The following STXBP5L variants were observed in gnomAD, a reference collection of about 807,000 sequenced individuals.
STXBP5L encodes syntaxin-binding protein 5-like.
Under a neutral mutation model 144.5 loss-of-function variants are expected in STXBP5L, and 65 were observed. The observed-to-expected ratio is 0.45, with a 90% CI of 0.37 to 0.55. The LOEUF is 0.55. Among genes scored for constraint, STXBP5L ranks in the 20% least tolerant of loss-of-function variants. The pLI is 0.00. For missense variants in STXBP5L, 1,298 were observed against 1,405.5 expected, an observed-to-expected ratio of 0.92 and a Z score of 1.22; for synonymous variants, 505 against 469.6, an observed-to-expected ratio of 1.08 and a Z score of -0.97.
intron 18 of STXBP5L, among the ~76,000 whole-genome samples, chr3:121,264,805 CAA>C (rs60150188): frequency 0.046 from 5,253 of 114,378 alleles, 118 homozygotes; most frequent in Middle Eastern, 0.097. Flanking sequence ...ATGGAAAGCA[CAA>C]AAAAAAAAAA....
chr3:121,310,251 A>T (rs571260230), intron 19 of STXBP5L, among the ~76,000 whole-genome samples: 1 of 152,380 alleles, frequency 6.6e-6, no homozygotes, highest in Non-Finnish European at 1.5e-5. Context: ...AAAAGAAATT[A>T]CAATAAAAAT....
rs35247157 is a variant in STXBP5L, at chr3:121,412,727, C to CAAAA, written c.2949-412_2949-409dup. Among the ~76,000 whole-genome samples, 211 of 69,536 alleles carry CAAAA rather than the reference C, an allele frequency of 3.0e-3. 4 individuals are homozygous for CAAAA. The highest frequency in any genetic ancestry group is 7.5e-3 in the African/African-American group (124 of 16,582). The allele number at this position is 69,536 out of a possible 152,430, so 45.6% of individuals were successfully genotyped here. A position where few individuals can be genotyped will look rare whatever the true frequency, so the allele number is the denominator to read the frequency against. On this transcript the variant is annotated intron_variant, in intron 23 of 26. Transcript: ENST00000471454. Reference sequence around the variant, plus strand: ...ATGAAAATAAAGTTGTTTCTCCCTCCAAAAAAAAAAAAAAAAAAAAAACAA... The same window carrying CAAAA: ...ATGAAAATAAAGTTGTTTCTCCCTCCAAAAAAAAAAAAAAAAAAAAAAAAAACAA...
chr3:120,916,977 T>G (rs1228094901), intron 2 of STXBP5L, among the ~76,000 whole-genome samples: 1 of 152,144 alleles, frequency 6.6e-6, no homozygotes, highest in African/African-American at 2.4e-5. Context: ...AGATTGAGTC[T>G]GGGGGAAATG....
At chr3:121,127,989 G>T (rs185453165) in intron 7 of STXBP5L, among the ~76,000 whole-genome samples, 2 of 152,158 alleles carry the variant, frequency 1.3e-5, no homozygotes, top group African/African-American at 4.8e-5. Context: ...ACCAGAATCA[G>T]ATCTCAGATC....
intron 5 of STXBP5L, among the ~76,000 whole-genome samples, chr3:121,062,401 C>G (rs2041328658): frequency 6.6e-6 from 1 of 152,154 alleles, no homozygotes; most frequent in Admixed American, 6.5e-5. Flanking sequence ...CTAACCTGAC[C>G]TTTCTCAGTG....
At chr3:121,117,970 G>T (rs978077605) in intron 6 of STXBP5L, among the ~76,000 whole-genome samples, 7 of 151,768 alleles carry the variant, frequency 4.6e-5, no homozygotes, top group Middle Eastern at 3.4e-3. Flanking sequence ...AGCTATTTCT[G>T]TAGGGCAGCC....
At chr3:120,965,802 C>T (rs1023561751) in intron 3 of STXBP5L, among the ~76,000 whole-genome samples, 2 of 152,102 alleles carry the variant, frequency 1.3e-5, no homozygotes, top group Admixed American at 6.5e-5. Context: ...CTCTTTATTT[C>T]CTGAAATTGA....
intron 19 of STXBP5L, among the ~76,000 whole-genome samples, chr3:121,286,064 T>A (rs544438045): frequency 9.9e-5 from 15 of 152,266 alleles, no homozygotes; most frequent in African/African-American, 2.9e-4. Context: ...TATTATGCCA[T>A]TTGAATCAAG....
chr3:121,243,095 C>A (rs117079259), intron 14 of STXBP5L, among the ~76,000 whole-genome samples: 1 of 152,112 alleles, frequency 6.6e-6, no homozygotes, highest in Admixed American at 6.5e-5. Context: ...ATGGCTTCAC[C>A]TTTTTGAGGG....
intron 10 of STXBP5L, among the ~76,000 whole-genome samples, chr3:121,207,300 T>TATGTAGAAACCA (rs776193562): frequency 0.099 from 14,978 of 151,970 alleles, 1,138 homozygotes; most frequent in Admixed American, 0.2. Context: ...TGAAACTGGA[T>TATGTAGAAACCA]CCCTTACTTA....
intron 5 of STXBP5L, among the ~76,000 whole-genome samples, chr3:121,056,704 A>T (rs1404645789): frequency 6.6e-6 from 1 of 152,130 alleles, no homozygotes; most frequent in Non-Finnish European, 1.5e-5. Flanking sequence ...TGTCCCCTGG[A>T]CACTTACTTA....
intron 2 of STXBP5L, among the ~76,000 whole-genome samples, chr3:120,947,023 A>G (rs915324843): frequency 8.6e-5 from 13 of 151,712 alleles, no homozygotes; most frequent in Non-Finnish European, 1.5e-5. Context: ...ATTTGCTTCA[A>G]ATATCTAGAT....
chr3:121,198,917 G>A (rs544401283), intron 9 of STXBP5L, among the ~76,000 whole-genome samples: 21 of 152,154 alleles, frequency 1.4e-4, no homozygotes, highest in Admixed American at 7.2e-4. Context: ...CTCAGGTAGC[G>A]TGATGCTTCC....
At chr3:121,052,162 G>A (rs1420354312) in intron 5 of STXBP5L, among the ~76,000 whole-genome samples, 12 of 152,312 alleles carry the variant, frequency 7.9e-5, no homozygotes, top group African/African-American at 2.2e-4. Context: ...ACAAGGAGGA[G>A]CTGGTACCAT....
chr3:121,305,755 C>T (rs1467919335), intron 19 of STXBP5L, among the ~76,000 whole-genome samples: 1 of 152,020 alleles, frequency 6.6e-6, no homozygotes, highest in Non-Finnish European at 1.5e-5. Context: ...TTACTATCAT[C>T]ACTTTTATTC....
At chr3:121,329,058 A>G (rs2044241798) in intron 20 of STXBP5L, among the ~76,000 whole-genome samples, 1 of 151,986 alleles carries the variant, frequency 6.6e-6, no homozygotes, top group Non-Finnish European at 1.5e-5. Flanking sequence ...TATATATATT[A>G]TATATATAAT....
intron 5 of STXBP5L, among the ~76,000 whole-genome samples, chr3:121,068,159 A>C (rs2041636586): frequency 6.6e-6 from 1 of 151,896 alleles, no homozygotes; most frequent in African/African-American, 2.4e-5. Context: ...ACAGGCACAC[A>C]CCACCATGCC....
At chr3:121,213,039 G>C (rs961441067) in intron 10 of STXBP5L, among the ~76,000 whole-genome samples, 1 of 152,158 alleles carries the variant, frequency 6.6e-6, no homozygotes, top group Non-Finnish European at 1.5e-5. Flanking sequence ...AGGAATTCTT[G>C]TGATTTTTGC....
chr3:121,045,922 A>G (rs985590508), intron 5 of STXBP5L, among the ~76,000 whole-genome samples: 1 of 152,204 alleles, frequency 6.6e-6, no homozygotes, highest in Non-Finnish European at 1.5e-5. Context: ...ATGGTGAGAG[A>G]TGGCATCCTT....
Sources: allele counts gnomAD v4.1 joint callset (sites outside exome capture counted in the v4.1 genomes callset), GRCh38; gene constraint gnomAD v4.1.1; transcripts MANE v1.5; gene names NCBI Gene and HGNC (gene_info 2026-07-23, HGNC 2026-07-21).